MARCHF1: variants seen among roughly 807,000 people sequenced by gnomAD.
MARCHF1 encodes membrane associated ring-CH-type finger 1.
In MARCHF1, 40 loss-of-function variants were observed where a neutral mutation model predicts 54.2. That is an observed-to-expected ratio of 0.74 (90% confidence interval 0.57 to 0.96). The LOEUF is 0.96. MARCHF1 is among the 40% of genes least tolerant of loss of function. The probability of loss-of-function intolerance (pLI) is 0.00; values close to 1 mark genes in which losing one functional copy is unlikely to be tolerated. For synonymous variants in MARCHF1, 236 were observed against 236.3 expected, an observed-to-expected ratio of 1.00 and a Z score of 0.01; for missense variants, 586 against 656.5, an observed-to-expected ratio of 0.89 and a Z score of 1.17.
intron 1 of MARCHF1, among the ~76,000 whole-genome samples, chr4:164,209,866 A>T (rs887965173): frequency 6.6e-6 from 1 of 152,190 alleles, no homozygotes; most frequent in African/African-American, 2.4e-5. Context: ...AATCATGTGT[A>T]ATTTATAATT....
At chr4:163,939,556 T>C (rs562145426) in intron 3 of MARCHF1, among the ~76,000 whole-genome samples, 3 of 152,322 alleles carry the variant, frequency 2.0e-5, no homozygotes, top group South Asian at 4.1e-4. Context: ...TAGCTCTCCA[T>C]TGCTCCTTGC....
intron 3 of MARCHF1, among the ~76,000 whole-genome samples, chr4:163,887,587 A>G (rs1750567088): frequency 6.6e-6 from 1 of 152,288 alleles, no homozygotes; most frequent in African/African-American, 2.4e-5. Context: ...ATGCACATGA[A>G]CATGAAAGTT....
At chr4:163,732,723 A>G (rs1745880591) in intron 4 of MARCHF1, among the ~76,000 whole-genome samples, 1 of 152,186 alleles carries the variant, frequency 6.6e-6, no homozygotes, top group Admixed American at 6.5e-5. Context: ...GTTTTACAGT[A>G]ACAAAAGAAA....
chr4:163,633,830 T>C (rs1742202429), intron 5 of MARCHF1, among the ~76,000 whole-genome samples: 1 of 152,184 alleles, frequency 6.6e-6, no homozygotes, highest in African/African-American at 2.4e-5. Context: ...GAAAAAATGT[T>C]AAGGGCAGCC....
chr4:164,253,515 T>C (rs939585263), intron 1 of MARCHF1, among the ~76,000 whole-genome samples: 5 of 152,178 alleles, frequency 3.3e-5, no homozygotes, highest in Non-Finnish European at 5.9e-5. Context: ...AGTAGGATGG[T>C]AGCAGTGGAT....
intron 4 of MARCHF1, among the ~76,000 whole-genome samples, chr4:163,842,391 C>CAT (rs1047412452): frequency 6.0e-5 from 9 of 150,220 alleles, no homozygotes; most frequent in Non-Finnish European, 1.2e-4. Flanking sequence ...GAGAATATTA[C>CAT]ATATATATGT....
chr4:164,042,284 T>C (rs1195361171), intron 2 of MARCHF1, among the ~76,000 whole-genome samples: 1 of 152,092 alleles, frequency 6.6e-6, no homozygotes, highest in African/African-American at 2.4e-5. Context: ...TACTTGAGAC[T>C]GAGTAATGTA....
chr4:164,126,006 C>T (rs1300994267), intron 1 of MARCHF1, among the ~76,000 whole-genome samples: 1 of 152,142 alleles, frequency 6.6e-6, no homozygotes, highest in Non-Finnish European at 1.5e-5. Context: ...ACCTATGTTC[C>T]CTGAGTTAAT....
At chr4:163,668,524 T>C (rs912372520) in intron 5 of MARCHF1, among the ~76,000 whole-genome samples, 3 of 152,076 alleles carry the variant, frequency 2.0e-5, no homozygotes, top group African/African-American at 7.2e-5. Context: ...AAGGAAAAGT[T>C]AGAGTATATA....
intron 1 of MARCHF1, among the ~76,000 whole-genome samples, chr4:164,201,715 G>C (rs949533860): frequency 1.3e-5 from 2 of 152,180 alleles, no homozygotes; most frequent in Non-Finnish European, 2.9e-5. Flanking sequence ...GGTTTGAGCA[G>C]CTAGAGGGAT....
chr4:164,157,144 T>C (rs1413275769), intron 1 of MARCHF1, among the ~76,000 whole-genome samples: 1 of 151,828 alleles, frequency 6.6e-6, no homozygotes, highest in Non-Finnish European at 1.5e-5. Context: ...TCTTAAGAAC[T>C]ATAATTTATA....
chr4:164,088,702 G>A (rs553528661), intron 2 of MARCHF1, among the ~76,000 whole-genome samples: 2 of 152,258 alleles, frequency 1.3e-5, no homozygotes, highest in East Asian at 1.9e-4. Flanking sequence ...TCGCACCACT[G>A]CACTCTGGCC....
At chr4:163,723,518 C>T (rs6829836) in intron 4 of MARCHF1, among the ~76,000 whole-genome samples, 3,773 of 152,126 alleles carry the variant, frequency 0.025, 158 homozygotes, top group African/African-American at 0.085. Context: ...TTGCTCTTCT[C>T]GAGGAGTATC....
intron 1 of MARCHF1, among the ~76,000 whole-genome samples, chr4:164,143,101 G>A (rs371890482): frequency 1.9e-3 from 273 of 146,828 alleles, no homozygotes; most frequent in South Asian, 7.4e-3. Flanking sequence ...ATGAAATGAA[G>A]CGAGAAGGGA....
intron 3 of MARCHF1, among the ~76,000 whole-genome samples, chr4:163,891,102 G>A (rs187926521): frequency 6.6e-6 from 1 of 152,092 alleles, no homozygotes; most frequent in Non-Finnish European, 1.5e-5. Flanking sequence ...TGTGAGGAGA[G>A]GAAAGGTCCC....
intron 1 of MARCHF1, among the ~76,000 whole-genome samples, chr4:164,369,598 C>T (rs1181572553): frequency 6.6e-6 from 1 of 152,034 alleles, no homozygotes; most frequent in Non-Finnish European, 1.5e-5. Flanking sequence ...TACATATATA[C>T]ATATGTACAT....
chr4:164,053,092 T>G (rs898308225), intron 2 of MARCHF1, among the ~76,000 whole-genome samples: 3 of 152,196 alleles, frequency 2.0e-5, no homozygotes, highest in African/African-American at 7.2e-5. Flanking sequence ...ATTGAATTCT[T>G]CAAAATATGT....
intron 7 of MARCHF1, among the ~76,000 whole-genome samples, chr4:163,594,537 A>G (rs1740697585): frequency 6.6e-6 from 1 of 151,632 alleles, no homozygotes; most frequent in Admixed American, 6.6e-5. Context: ...CTTTAATTGT[A>G]TTTAGTTGAG....
chr4:164,084,284 A>G (rs138398176), intron 2 of MARCHF1, among the ~76,000 whole-genome samples: 2,054 of 152,006 alleles, frequency 0.014, 37 homozygotes, highest in African/African-American at 0.047. Flanking sequence ...TGTTTGGCTA[A>G]TGAAACCATA....
Sources: allele counts gnomAD v4.1 joint callset (sites outside exome capture counted in the v4.1 genomes callset), GRCh38; gene constraint gnomAD v4.1.1; transcripts MANE v1.5; gene names NCBI Gene and HGNC (gene_info 2026-07-23, HGNC 2026-07-21).